Variants in SPTBN2 observed in about 807,000 individuals in gnomAD.
SPTBN2 encodes spectrin beta chain, non-erythrocytic 2.
In SPTBN2, 107 loss-of-function variants were observed where a neutral mutation model predicts 284.2. That is an observed-to-expected ratio of 0.38 (90% CI 0.32 to 0.44). SPTBN2 has a LOEUF of 0.44. Ranked by LOEUF, SPTBN2 falls within the 20% of genes least tolerant of loss-of-function variation. SPTBN2 has a pLI of 1.00. For missense variants in SPTBN2, 2,569 were observed against 3,287.1 expected (o/e 0.78, Z 5.34); for synonymous variants, 1,289 against 1,354.8 (o/e 0.95, Z 1.07).
chr11:66,723,436 A>G (rs1942508596), intron 1 of SPTBN2, among the ~76,000 whole-genome samples: 1 of 152,128 alleles, frequency 6.6e-6, no homozygotes, highest in Non-Finnish European at 1.5e-5. Flanking sequence ...GTAGGTGGTG[A>G]GACTCATGGG....
At position 66,684,883 on chromosome 11, in the gene SPTBN2, G is replaced by A. The variant is rs771830284; in HGVS notation, c.*988C>T. Reference sequence around the variant, plus strand: ...GGCTGAGCAGTGGCTGAGACTGGCTGGGGCTGTAGCAATGCTTCCCAGTCT... The same window carrying A: ...GGCTGAGCAGTGGCTGAGACTGGCTAGGGCTGTAGCAATGCTTCCCAGTCT... On this transcript the variant is annotated 3_prime_UTR_variant, in exon 38 of 38. Coordinates refer to ENST00000533211, the MANE Select transcript of SPTBN2 (RefSeq NM_006946.4). Among the ~76,000 whole-genome samples, 3 of 152,176 alleles carry A rather than the reference G, an allele frequency of 2.0e-5. No individual in the cohort carries two copies. The highest frequency in any genetic ancestry group is 4.4e-5 in the Non-Finnish European group (3 of 68,024).
chr11:66,692,883 A>G (rs922034763), intron 25 of SPTBN2, 87 bp downstream of exon 25: 191 of 1,595,852 alleles, frequency 1.2e-4, no homozygotes, highest in Non-Finnish European at 1.5e-4. Context: ...CCGTGCACAC[A>G]GCACTGAAGG....
chr11:66,726,049 C>T (rs1942611521), intron 1 of SPTBN2, among the ~76,000 whole-genome samples: 1 of 152,200 alleles, frequency 6.6e-6, no homozygotes, highest in South Asian at 2.1e-4. Flanking sequence ...GCCCGCTCCA[C>T]ATTTAACTCA....
intron 1 of SPTBN2, 92 bp from the exon 2 acceptor site, chr11:66,721,532 A>ACTT (rs1942402573): frequency 2.1e-6 from 1 of 470,704 alleles, no homozygotes; most frequent in Non-Finnish European, 3.9e-6. Flanking sequence ...GGCTCCAACG[A>ACTT]CTTCGGGCCA....
Position 66,693,619 on chromosome 11 carries a change from C to T in SPTBN2, c.4593+153G>A, listed in dbSNP as rs1297462811. ...GCCGCCCAGCCCCCACTATCTCCTACTGAGAGGACCCACCCTCCCAAGGTG... is the reference window on the plus strand; with the variant it reads ...GCCGCCCAGCCCCCACTATCTCCTATTGAGAGGACCCACCCTCCCAAGGTG... On this transcript the variant is annotated intron_variant, in intron 23 of 37. Coordinates refer to ENST00000533211, the MANE Select transcript of SPTBN2 (RefSeq NM_006946.4). The surrounding 1 kb of genome is among the most constrained non-coding windows in gnomAD (Gnocchi z 5.7). Among the ~76,000 whole-genome samples the T allele has an allele frequency of 1.3e-5, 2 of 152,192 alleles. No homozygotes were observed. Among genetic ancestry groups the T allele is most frequent in the Non-Finnish European group, 2.9e-5 (2 of 68,046 alleles).
At chr11:66,686,249 AGTGCGGCCTG>A (rs1454703655) in intron 37 of SPTBN2, 139 bp downstream of exon 37, 4 of 1,382,298 alleles carry the variant, frequency 2.9e-6, no homozygotes, top group Non-Finnish European at 4.1e-6. Flanking sequence ...TTAGACAGGG[AGTGCGGCCTG>A]GTGCGGCCGT....
intron 1 of SPTBN2, among the ~76,000 whole-genome samples, chr11:66,722,575 CAAAAAAAAAAA>C (rs35183530): frequency 2.0e-5 from 1 of 50,984 alleles, no homozygotes; most frequent in Non-Finnish European, 3.5e-5. Context: ...GACTCTGTCT[CAAAAAAAAAAA>C]AAAAAAAAAA....
At chr11:66,692,482 G>A (rs1409048898) in intron 26 of SPTBN2, 54 bp downstream of exon 26, 11 of 1,590,922 alleles carry the variant, frequency 6.9e-6, no homozygotes, top group South Asian at 1.1e-5. Flanking sequence ...TCTCCCTGTG[G>A]GTCCTCCACT....
At chr11:66,728,079 C>G (rs1472163529) in intron 1 of SPTBN2, 3 of 148,674 alleles carry the variant, frequency 2.0e-5, no homozygotes, top group African/African-American at 7.4e-5. Context: ...GACCCCGACC[C>G]CGACCCCGCC....
Position 66,710,491 on chromosome 11 carries a change from G to A in SPTBN2, c.1073+91C>T. On this transcript the variant is annotated intron_variant, in intron 10 of 37. Transcript: ENST00000533211. This position sits in a 1 kb window ranked among gnomAD's most constrained non-coding sequence, Gnocchi z 4.9. The stretch of plus-strand genomic sequence containing the variant: ...GAAATCTCCACTGCATTTATGTACT[G>A]CCAAATTTCCCTCCCTGAAGGCTGT... 1 of 1,355,832 alleles carries A rather than the reference G, an allele frequency of 7.4e-7. No homozygotes were observed. The highest frequency in any genetic ancestry group is 1.4e-5 in the African/African-American group (1 of 69,582). 84.0% of individuals were successfully genotyped at this position (1,355,832 alleles called of 1,614,324 possible).
At position 66,704,931 on chromosome 11, in the gene SPTBN2, G is replaced by A. The variant is rs755618733; in HGVS notation, c.2345C>T (p.Thr782Met). ...CCGATGCTGCCTGGCTAGAGCCTGC[G>A]TGGAGAACTCGTCGTGCCCCAGCTC... The part of the protein sequence containing the change: ...SPELGHDEFS[T>M]QALARQHRAL... Residue 782 changes from threonine to methionine, a missense_variant, in exon 15 of 38, where the codon ACG becomes ATG. Thr to Met is a moderately conservative substitution (Grantham distance 81, BLOSUM62 -1). Around this residue, in one of 6 missense-constraint regions of SPTBN2, gnomAD observed 1,012 missense variants for 1,248.9 expected, o/e 0.81. Transcript: ENST00000533211. 4.2e-5 allele frequency: 67 copies of A among 1,611,294 alleles called. No homozygotes were observed. The highest frequency in any genetic ancestry group is 5.6e-5 in the Non-Finnish European group (66 of 1,179,908).
Position 66,693,537 on chromosome 11 carries a change from C to A in SPTBN2, c.4594-91G>T. ...CACCCTTCACCCCTGTGCCTCTCTC[C>A]TTCCTGGGTCCTCTGCTCCCTCTCC... On this transcript the variant is annotated intron_variant, in intron 23 of 37. Coordinates refer to ENST00000533211, the MANE Select transcript of SPTBN2 (RefSeq NM_006946.4). This position sits in a 1 kb window ranked among gnomAD's most constrained non-coding sequence, Gnocchi z 5.7. 1 of 1,533,844 alleles carries A rather than the reference C, an allele frequency of 6.5e-7. No individual in the cohort carries two copies. The highest frequency in any genetic ancestry group is 1.2e-5 in the South Asian group (1 of 84,082).
intron 1 of SPTBN2, among the ~76,000 whole-genome samples, chr11:66,725,212 C>T (rs560246492): frequency 1.7e-4 from 26 of 152,330 alleles, no homozygotes; most frequent in African/African-American, 6.0e-4. Flanking sequence ...CCCACAGGGC[C>T]ACCATGTTGC....
At position 66,715,457 on chromosome 11, in the gene SPTBN2, T is replaced by C. The variant is rs1437326081; in HGVS notation, c.310-62A>G. 1.3e-6 allele frequency: 2 copies of C among 1,564,106 alleles called. No homozygotes were observed. The highest frequency in any genetic ancestry group is 3.5e-5 in the Admixed American group (2 of 56,710). On this transcript the variant is annotated intron_variant, in intron 4 of 37. Transcript: ENST00000533211. The surrounding 1 kb of genome is among the most constrained non-coding windows in gnomAD (Gnocchi z 5.3). The stretch of plus-strand genomic sequence containing the variant: ...GGGCTTCCACCTTCTTCCCCAGCCT[T>C]CACAGGGCCCAGCTTTGCACACCTT...
At chr11:66,699,718 G>C in intron 17 of SPTBN2, 110 bp from the exon 18 acceptor site, 1 of 1,122,288 alleles carries the variant, frequency 8.9e-7, no homozygotes, top group South Asian at 1.3e-5. Context: ...AGCAGACAGG[G>C]AGGGTAGCCC....
rs2135366008 is a variant in SPTBN2, at chr11:66,693,970, A to G, written c.4504-109T>C. 7.6e-7 allele frequency: 1 copy of G among 1,310,466 alleles called. No homozygotes were observed. The highest frequency in any genetic ancestry group is 1.1e-6 in the Non-Finnish European group (1 of 934,928). The allele number at this position is 1,310,466 out of a possible 1,614,324, so 81.2% of individuals were successfully genotyped here. A position where few individuals can be genotyped will look rare whatever the true frequency, so the allele number is the denominator to read the frequency against. ...GGCTACCGCCCTGTGTGTGGGGAAC[A>G]GTCATCTCTGGTTCTGGGAGGCATC... is the stretch of plus-strand genomic sequence containing the variant. On this transcript the variant is annotated intron_variant, in intron 22 of 37. Transcript: ENST00000533211. The surrounding 1 kb of genome is among the most constrained non-coding windows in gnomAD (Gnocchi z 5.7).
At chr11:66,731,500 T>A (rs542152136), upstream of SPTBN2, among the ~76,000 whole-genome samples, 22 of 152,318 alleles carry the variant, frequency 1.4e-4, no homozygotes, top group South Asian at 4.6e-3. Context: ...AATTCTCAGT[T>A]CTTGTTTCAA....
chr11:66,699,256 G>T, intron 18 of SPTBN2, 150 bp downstream of exon 18: 1 of 1,247,432 alleles, frequency 8.0e-7, no homozygotes. Flanking sequence ...GAATCTCCCA[G>T]CCCTCTCCAA....
At chr11:66,703,963 ATTTCT>A (rs1226920686) in intron 15 of SPTBN2, among the ~76,000 whole-genome samples, 1 of 135,434 alleles carries the variant, frequency 7.4e-6, no homozygotes, top group South Asian at 2.3e-4. Flanking sequence ...GCTTCCTCGT[ATTTCT>A]TTTCTTTTTT....
Sources: allele counts gnomAD v4.1 joint callset (sites outside exome capture counted in the v4.1 genomes callset), GRCh38; gene constraint gnomAD v4.1.1; regional missense constraint gnomAD v4.1.1; non-coding constraint Gnocchi (gnomAD v3.1); transcripts MANE v1.5; gene names NCBI Gene and HGNC (gene_info 2026-07-23, HGNC 2026-07-21).